The following RUFY2 variants were observed in gnomAD, a reference collection of about 807,000 sequenced individuals.
RUFY2 encodes RUN and FYVE domain containing 2, also known as RUN and FYVE domain-containing protein 2.
Under a neutral mutation model 94.4 loss-of-function variants are expected in RUFY2, and 49 were observed. That is an observed-to-expected ratio of 0.52 (90% CI 0.41 to 0.66). The LOEUF is 0.66. Among genes scored for constraint, RUFY2 ranks in the 30% least tolerant of loss-of-function variants. The pLI is 0.00. For missense variants in RUFY2, 541 were observed against 692.8 expected, an observed-to-expected ratio of 0.78 and a Z score of 2.46; for synonymous variants, 255 against 235.7, an observed-to-expected ratio of 1.08 and a Z score of -0.75.
At position 68,404,772 on chromosome 10, in the gene RUFY2, A is replaced by G. The variant is rs2051138474; in HGVS notation, c.77T>C (p.Ile26Thr). 2 of 1,613,690 alleles carry G rather than the reference A, an allele frequency of 1.2e-6. No homozygotes were observed. Among genetic ancestry groups the G allele is most frequent in the Non-Finnish European group, 1.7e-6 (2 of 1,179,800 alleles). The change falls in exon 2 of 18, where the codon ATT becomes ACT. Residue 26 changes from isoleucine (I) to threonine (T), a missense_variant. By Grantham distance (89) the Ile-to-Thr change is moderately conservative. Coordinates refer to ENST00000602465, the MANE Select transcript of RUFY2 (RefSeq NM_001330103.2). ...GCGGCCAAAGCTCAGAGCAGATTCA[A>G]TGAGTCCTTTGATACTCAGTTTAGC... ...NMAKLSIKGL[I>T]ESALSFGRTL...
In RUFY2 at chr10:68,345,783, T is replaced by C. The variant is rs770388880; in HGVS notation, c.1806A>G (p.Ser602=). 2 of 1,612,780 alleles carry C rather than the reference T, an allele frequency of 1.2e-6. No homozygotes were observed. Among genetic ancestry groups the C allele is most frequent in the Non-Finnish European group, 8.5e-7 (1 of 1,179,430 alleles). ...TTCTGGAGTCTCAGGGCAAGTTAGA[T>C]GAGCATCTCTGAATGAGCAGTGCAT... ...SCHALLIQRC[S]SNLP The change falls in exon 18 of 18, where the codon TCA becomes TCG. Residue 602 remains serine, a synonymous_variant. Transcript: ENST00000602465.
downstream of RUFY2, chr10:68,341,907 G>A (rs2045982494): frequency 2.5e-6 from 4 of 1,591,554 alleles, no homozygotes; most frequent in Admixed American, 3.3e-5. Flanking sequence ...AAACTTTAAA[G>A]TGCAGGTATT....
chr10:68,357,022 C>T (rs2047101376), intron 15 of RUFY2, among the ~76,000 whole-genome samples: 1 of 151,302 alleles, frequency 6.6e-6, no homozygotes, highest in South Asian at 2.1e-4. Context: ...AAAAAATTAG[C>T]TGGGCGTGGT....
chr10:68,381,167 C>T, intron 11 of RUFY2, 65 bp downstream of exon 11: 1 of 1,392,772 alleles, frequency 7.2e-7, no homozygotes, highest in East Asian at 2.4e-5. Flanking sequence ...CTCTTAAAAA[C>T]CAAAACCTTT....
intron 15 of RUFY2, among the ~76,000 whole-genome samples, chr10:68,358,894 G>C (rs2047237419): frequency 6.6e-6 from 1 of 152,102 alleles, no homozygotes; most frequent in South Asian, 2.1e-4. Flanking sequence ...CTGGGCGACA[G>C]AGCAACACTC....
Position 68,344,092 on chromosome 10 carries a change from A to G in RUFY2, c.*1676T>C, listed in dbSNP as rs935613759. ...AAGAATATAATCCTCTCTTGAGGAC[A>G]TTTCTGTCAGTATTCAAGAAAGACC... On this transcript the variant is annotated 3_prime_UTR_variant, in exon 18 of 18. Transcript: ENST00000602465. 15 of 152,214 alleles carry G rather than the reference A, an allele frequency of 9.9e-5. No homozygotes were observed. Among genetic ancestry groups the G allele is most frequent in the African/African-American group, 3.6e-4 (15 of 41,456 alleles). 9.4% of individuals were successfully genotyped at this position (152,214 alleles called of 1,614,324 possible).
At chr10:68,384,222 A>C (rs1309648349) in intron 8 of RUFY2, 70 bp from the exon 9 acceptor site, 3 of 1,491,290 alleles carry the variant, frequency 2.0e-6, no homozygotes, top group South Asian at 1.3e-5. Flanking sequence ...GGTTATGTGC[A>C]TGGCCATAAA....
In RUFY2 at chr10:68,345,471, A is replaced by G; in HGVS notation, c.*297T>C. ...TGACAGAATTCAGAAGAAAAAAACA[A>G]TCTGAAGCCTTATTTTTAAGGCCTT... is the stretch of plus-strand genomic sequence containing the variant. On this transcript the variant is annotated 3_prime_UTR_variant, in exon 18 of 18. Transcript: ENST00000602465. The G allele has an allele frequency of 4.9e-6, 2 of 405,894 alleles. No homozygotes were observed. The highest frequency in any genetic ancestry group is 1.2e-4 in the South Asian group (1 of 8,014). The allele number at this position is 405,894 out of a possible 1,614,324, so 25.1% of individuals were successfully genotyped here.
chr10:68,371,770 C>G (rs549964709), intron 13 of RUFY2, among the ~76,000 whole-genome samples: 1 of 152,170 alleles, frequency 6.6e-6, no homozygotes, highest in African/African-American at 2.4e-5. Flanking sequence ...GCCCAAAAAA[C>G]ATTTTTTTTG....
chr10:68,378,355 C>T, intron 12 of RUFY2: 4 of 1,225,714 alleles, frequency 3.3e-6, no homozygotes, highest in Non-Finnish European at 4.1e-6. Context: ...ACCCTTTGTG[C>T]ACAAGGTTTG....
chr10:68,384,187 T>C (rs2049304755), intron 8 of RUFY2, 35 bp from the exon 9 acceptor site: 1 of 1,581,042 alleles, frequency 6.3e-7, no homozygotes, highest in Non-Finnish European at 8.6e-7. Flanking sequence ...AAAAAGATTT[T>C]AAACACCCTT....
At chr10:68,372,016 C>T (rs1307316520) in intron 13 of RUFY2, among the ~76,000 whole-genome samples, 1 of 152,158 alleles carries the variant, frequency 6.6e-6, no homozygotes, top group African/African-American at 2.4e-5. Context: ...AAGAGCTGAG[C>T]ATGGTGGCTC....
At chr10:68,346,146 T>C in intron 16 of RUFY2, 62 bp from the exon 17 acceptor site, 1 of 1,281,978 alleles carries the variant, frequency 7.8e-7, no homozygotes, top group Non-Finnish European at 1.1e-6. Flanking sequence ...GTGAAAACTT[T>C]TTCCCCCAAG....
At chr10:68,373,219 T>C (rs10998094) in intron 13 of RUFY2, among the ~76,000 whole-genome samples, 8,608 of 152,260 alleles carry the variant, frequency 0.057, 503 homozygotes, top group South Asian at 0.19. Context: ...TGTAATATAA[T>C]GTCCACAGCA....
intron 16 of RUFY2, among the ~76,000 whole-genome samples, chr10:68,348,781 TCA>T (rs903961486): frequency 1.3e-5 from 2 of 152,160 alleles, no homozygotes; most frequent in African/African-American, 4.8e-5. Context: ...TGAAGGGATC[TCA>T]GAGATGAGCA....
chr10:68,364,223 G>A (rs969098109), intron 13 of RUFY2, 110 bp from the exon 14 acceptor site: 6 of 963,284 alleles, frequency 6.2e-6, no homozygotes, highest in African/African-American at 1.7e-5. Context: ...CCTTTGTAAT[G>A]CATTTTTCAG....
chr10:68,381,064 A>G (rs1374204794), intron 11 of RUFY2, among the ~76,000 whole-genome samples, 168 bp downstream of exon 11: 1 of 152,106 alleles, frequency 6.6e-6, no homozygotes, highest in East Asian at 1.9e-4. Context: ...TTGTTTGTTG[A>G]TACCTTTTTC....
At chr10:68,374,397 A>G (rs1279025147) in intron 13 of RUFY2, among the ~76,000 whole-genome samples, 1 of 152,168 alleles carries the variant, frequency 6.6e-6, no homozygotes, top group Non-Finnish European at 1.5e-5. Context: ...TTAACTTCAG[A>G]GCAAAAAAAA....
At chr10:68,347,949 GAAA>G (rs921160822) in intron 16 of RUFY2, among the ~76,000 whole-genome samples, 1 of 151,644 alleles carries the variant, frequency 6.6e-6, no homozygotes, top group Non-Finnish European at 1.5e-5. Context: ...ATTCTTTGAA[GAAA>G]AAAAAGACAA....
Sources: allele counts gnomAD v4.1 joint callset (sites outside exome capture counted in the v4.1 genomes callset), GRCh38; gene constraint gnomAD v4.1.1; transcripts MANE v1.5; gene names NCBI Gene and HGNC (gene_info 2026-07-23, HGNC 2026-07-21).